RAVER2: variants seen among roughly 807,000 people sequenced by gnomAD.
RAVER2 encodes the protein ribonucleoprotein PTB-binding 2.
In RAVER2, 46 loss-of-function variants were observed where a neutral mutation model predicts 78.1. The observed-to-expected ratio is 0.59, with a 90% CI of 0.46 to 0.75. The LOEUF (loss-of-function observed/expected upper bound fraction) is 0.75, where lower values mean the gene tolerates loss of function less well. Among genes scored for constraint, RAVER2 ranks in the 30% least tolerant of loss-of-function variants. The pLI is 0.00. For synonymous variants in RAVER2, 311 were observed against 313.3 expected (o/e 0.99, Z 0.08); for missense variants, 793 against 837.5 (o/e 0.95, Z 0.66).
At chr1:64,814,559 T>C (rs184469468) in intron 10 of RAVER2, 145 bp from the exon 11 acceptor site, 1 of 423,356 alleles carries the variant, frequency 2.4e-6, no homozygotes, top group African/African-American at 2.1e-5. Context: ...TTCTATTTGA[T>C]AATGTGCTGA....
At chr1:64,811,309 CCATT>C (rs1375435486) in intron 9 of RAVER2, among the ~76,000 whole-genome samples, 1 of 152,130 alleles carries the variant, frequency 6.6e-6, no homozygotes, top group Non-Finnish European at 1.5e-5. Context: ...TCCATGTGAG[CCATT>C]CATCTCTCCA....
intron 11 of RAVER2, among the ~76,000 whole-genome samples, chr1:64,823,325 A>G (rs1307356072): frequency 6.6e-6 from 1 of 152,206 alleles, no homozygotes; most frequent in Non-Finnish European, 1.5e-5. Context: ...CCATTTCTCT[A>G]GTCAGTTGTA....
At position 64,811,270 on chromosome 1, in the gene RAVER2, A is replaced by G. The variant is rs539542579; in HGVS notation, c.1681-1468A>G. On this transcript the variant is annotated intron_variant, in intron 9 of 11. Coordinates refer to ENST00000294428, the Ensembl canonical transcript of RAVER2. ...GTGAGCTCAAGTGTTGAGAGGATCC[A>G]CTTAAAATGCTGTATGTTGCTAATC... Among the ~76,000 whole-genome samples the G allele has an allele frequency of 2.7e-4, 41 of 152,318 alleles. No individual in the cohort carries two copies. The South Asian group carries it at 8.1e-3, about 30-fold the overall frequency.
rs377309146 is a variant in RAVER2 at position 64,772,491 on chromosome 1, G to A, written c.316+3769G>A. ...AATTAGGGAGCTCACAGTTTAGTAGGGTAGCAGGCATCTAAGCAAATAGAT... is the reference window on the plus strand; with the variant it reads ...AATTAGGGAGCTCACAGTTTAGTAGAGTAGCAGGCATCTAAGCAAATAGAT... On this transcript the variant is annotated intron_variant, in intron 2 of 11. Transcript: ENST00000294428. Among the ~76,000 whole-genome samples, 32 of 152,162 alleles carry A rather than the reference G, an allele frequency of 2.1e-4. 7 individuals carry two copies. Among genetic ancestry groups the A allele is most frequent in the Admixed American group, 3.9e-4 (6 of 15,260 alleles).
chr1:64,829,769 G>A (rs751824132), intron 11 of RAVER2, among the ~76,000 whole-genome samples: 10 of 152,158 alleles, frequency 6.6e-5, no homozygotes, highest in Non-Finnish European at 1.2e-4. Context: ...TTGCCCATCA[G>A]CTTCACTCTG....
rs759134955 is a variant in RAVER2 at position 64,823,802 on chromosome 1, A to ATTT, written c.1930-7017_1930-7015dup. ...GTTTGATATGACTGTGTAAGTTGTGATTTTTTTTTTTTTTTTTTTTTTGAG... is the reference window on the plus strand; with the variant it reads ...GTTTGATATGACTGTGTAAGTTGTGATTTTTTTTTTTTTTTTTTTTTTTTTGAG... On this transcript the variant is annotated intron_variant, in intron 11 of 11. Transcript: ENST00000294428. 2.8e-3 allele frequency among the ~76,000 whole-genome samples: 347 copies of ATTT among 122,814 alleles called. 5 individuals carry two copies. The highest frequency in any genetic ancestry group is 6.2e-3 in the African/African-American group (195 of 31,574). 80.6% of individuals were successfully genotyped at this position (122,814 alleles called of 152,430 possible). A position where few individuals can be genotyped will look rare whatever the true frequency, so the allele number is the denominator to read the frequency against.
At chr1:64,820,805 A>G (rs1653870100) in intron 11 of RAVER2, among the ~76,000 whole-genome samples, 1 of 152,172 alleles carries the variant, frequency 6.6e-6, no homozygotes, top group Non-Finnish European at 1.5e-5. Context: ...CCAGTCTGTC[A>G]TTGATGGGCA....
At position 64,777,742 on chromosome 1, in the gene RAVER2, A is replaced by G. The variant is rs200478729; in HGVS notation, c.436A>G (p.Ile146Val). The change falls in exon 3 of 12, where the codon ATT (isoleucine) becomes GTT (valine). Residue 146 changes from isoleucine (I) to valine (V), a missense_variant. Ile to Val is a conservative substitution (Grantham distance 29). Coordinates refer to ENST00000294428, the Ensembl canonical transcript of RAVER2. ...TCAGCCAACAGATGCTTTGTTGTGTATTACCAACGTGCCCATTTCTTTTAC... is the reference window on the plus strand; with the variant it reads ...TCAGCCAACAGATGCTTTGTTGTGTGTTACCAACGTGCCCATTTCTTTTAC... The G allele has an allele frequency of 4.1e-5, 66 of 1,614,056 alleles. 7 individuals are homozygous for G. The highest frequency in any genetic ancestry group is 1.3e-4 in the Admixed American group (8 of 60,008).
chr1:64,831,003 T>A (rs1316721062), exon 12 of RAVER2: 2 of 1,610,146 alleles, frequency 1.2e-6, no homozygotes, highest in African/African-American at 1.3e-5. Flanking sequence ...TCTCTCCTAA[T>A]AACCCCCTAA....
intron 11 of RAVER2, among the ~76,000 whole-genome samples, chr1:64,825,891 A>C (rs1407077206): frequency 6.6e-6 from 1 of 152,270 alleles, no homozygotes. Flanking sequence ...AATGGGTTTC[A>C]TAGTAGATGT....
chr1:64,755,680 T>G (rs930784179), intron 1 of RAVER2, among the ~76,000 whole-genome samples: 2 of 151,228 alleles, frequency 1.3e-5, no homozygotes, highest in African/African-American at 4.9e-5. Context: ...CTACTTGCTT[T>G]CGATTCCAAA....
chr1:64,796,010 G>A (rs891835611), intron 5 of RAVER2, among the ~76,000 whole-genome samples: 2 of 151,692 alleles, frequency 1.3e-5, no homozygotes, highest in Admixed American at 1.3e-4. Flanking sequence ...ATGGTTGCTG[G>A]AACTTGTTGA....
chr1:64,748,354 C>T (rs1483444216), intron 1 of RAVER2, among the ~76,000 whole-genome samples: 1 of 152,202 alleles, frequency 6.6e-6, no homozygotes, highest in Non-Finnish European at 1.5e-5. Context: ...ACCTTCATTA[C>T]TGTCCTGTTT....
chr1:64,753,536 T>G (rs1407636852), intron 1 of RAVER2, among the ~76,000 whole-genome samples: 2 of 149,118 alleles, frequency 1.3e-5, no homozygotes, highest in Non-Finnish European at 3.0e-5. Context: ...TTTTTTTTTT[T>G]TTTTTTTTGG....
intron 3 of RAVER2, among the ~76,000 whole-genome samples, chr1:64,779,767 A>G (rs1219315721): frequency 6.6e-6 from 1 of 151,456 alleles, no homozygotes; most frequent in Admixed American, 6.6e-5. Flanking sequence ...CATAAATTGT[A>G]TTTGAATTGT....
chr1:64,814,269 A>G (rs1653701253), intron 10 of RAVER2, among the ~76,000 whole-genome samples: 4 of 151,452 alleles, frequency 2.6e-5, no homozygotes, highest in Admixed American at 2.0e-4. Context: ...AAATTTTTAT[A>G]TTTTTAGTAT....
chr1:64,797,219 G>A (rs925948170), intron 5 of RAVER2, among the ~76,000 whole-genome samples: 10 of 152,150 alleles, frequency 6.6e-5, no homozygotes, highest in African/African-American at 2.4e-4. Flanking sequence ...ACGTCAGTTA[G>A]ATCAACATGG....
chr1:64,745,127 C>G lies in RAVER2; in HGVS notation c.-46C>G, dbSNP rs1651483979. ...CTCCTCCCGCTTTCTCTCTCCGCTT[C>G]CCCTGGAGCCTCCGAGGAGTCCGCA... On this transcript the variant is annotated 5_prime_UTR_variant, in exon 1 of 12. Coordinates refer to ENST00000294428, the Ensembl canonical transcript of RAVER2. This position sits in a 1 kb window ranked among gnomAD's most constrained non-coding sequence, Gnocchi z 4.3. The G allele has an allele frequency of 9.8e-7, 1 of 1,017,838 alleles. No homozygotes were observed. The highest frequency in any genetic ancestry group is 1.2e-6 in the Non-Finnish European group (1 of 852,380). The allele number at this position is 1,017,838 out of a possible 1,614,324, so 63.1% of individuals were successfully genotyped here. A position where few individuals can be genotyped will look rare whatever the true frequency, so the allele number is the denominator to read the frequency against.
At chr1:64,756,301 A>G (rs12049564) in intron 1 of RAVER2, among the ~76,000 whole-genome samples, 14,569 of 152,012 alleles carry the variant, frequency 0.096, 1,022 homozygotes, top group East Asian at 0.28. Context: ...CTTGTAATCT[A>G]TAAGGATTTT....
Sources: allele counts gnomAD v4.1 joint callset (sites outside exome capture counted in the v4.1 genomes callset), GRCh38; gene constraint gnomAD v4.1.1; non-coding constraint Gnocchi (gnomAD v3.1); transcripts MANE v1.5; gene names NCBI Gene and HGNC (gene_info 2026-07-23, HGNC 2026-07-21).